The following STXBP5L variants were observed in gnomAD, a reference collection of about 807,000 sequenced individuals.
The protein encoded by STXBP5L is syntaxin-binding protein 5-like.
In STXBP5L, 65 loss-of-function variants were observed where a neutral mutation model predicts 144.5. The ratio of observed to expected loss-of-function variants is 0.45; its 90% confidence interval spans 0.37 to 0.55. The LOEUF (loss-of-function observed/expected upper bound fraction) is 0.55, where lower values mean the gene tolerates loss of function less well. Ranked by LOEUF, STXBP5L falls within the 20% of genes least tolerant of loss-of-function variation. STXBP5L has a pLI of 0.00. For synonymous variants in STXBP5L, 505 were observed against 469.6 expected (o/e 1.08, Z -0.97); for missense variants, 1,298 against 1,405.5 (o/e 0.92, Z 1.22).
chr3:121,309,437 A>T (rs1168694816), intron 19 of STXBP5L, among the ~76,000 whole-genome samples: 1 of 152,182 alleles, frequency 6.6e-6, no homozygotes, highest in African/African-American at 2.4e-5. Flanking sequence ...AGTGTCAATC[A>T]AGATGAGACA....
intron 5 of STXBP5L, among the ~76,000 whole-genome samples, chr3:121,077,610 G>T (rs1480958883): frequency 2.6e-5 from 4 of 152,270 alleles, no homozygotes. Flanking sequence ...GGCTTGGGCA[G>T]CCTGCTTTTA....
chr3:121,295,031 G>C (rs920976561), intron 19 of STXBP5L, among the ~76,000 whole-genome samples: 1 of 152,174 alleles, frequency 6.6e-6, no homozygotes, highest in African/African-American at 2.4e-5. Context: ...AAGATATTTG[G>C]TTATGAAGGG....
chr3:120,946,697 C>T (rs999514620), intron 2 of STXBP5L, among the ~76,000 whole-genome samples: 1 of 151,718 alleles, frequency 6.6e-6, no homozygotes, highest in Non-Finnish European at 1.5e-5. Context: ...TGCCAAAGTA[C>T]TGCTGTTAGT....
At position 121,376,907 on chromosome 3, in the gene STXBP5L, G is replaced by A. The variant is rs189878457; in HGVS notation, c.2177-1809G>A. 4.2e-3 allele frequency among the ~76,000 whole-genome samples: 644 copies of A among 152,236 alleles called. 2 individuals carry two copies. Among genetic ancestry groups the A allele is most frequent in the Non-Finnish European group, 7.8e-3 (530 of 68,006 alleles). ...TTTGTGTCCTCTTTTATTTCTTTGAGCAGTAGTTTGTAGTTCTCATTGAAG... is the reference window on the plus strand; with the variant it reads ...TTTGTGTCCTCTTTTATTTCTTTGAACAGTAGTTTGTAGTTCTCATTGAAG... On this transcript the variant is annotated intron_variant, in intron 20 of 26. Coordinates refer to ENST00000471454, the MANE Select transcript of STXBP5L (RefSeq NM_001308330.2).
intron 5 of STXBP5L, among the ~76,000 whole-genome samples, chr3:121,063,263 G>A (rs2041372796): frequency 1.3e-5 from 2 of 152,094 alleles, no homozygotes; most frequent in Admixed American, 6.6e-5. Context: ...TAACAGTCAG[G>A]CCATCTGCTG....
At chr3:121,275,497 G>A (rs2050853326) in intron 18 of STXBP5L, among the ~76,000 whole-genome samples, 1 of 152,032 alleles carries the variant, frequency 6.6e-6, no homozygotes, top group African/African-American at 2.4e-5. Context: ...TAATTGCAAT[G>A]CCACTATGAA....
intron 22 of STXBP5L, among the ~76,000 whole-genome samples, chr3:121,396,141 C>A (rs150760183): frequency 0.036 from 5,434 of 152,340 alleles, 145 homozygotes; most frequent in Middle Eastern, 0.082. Flanking sequence ...TGCTGTTCAG[C>A]TGCTGATAAC....
intron 9 of STXBP5L, among the ~76,000 whole-genome samples, chr3:121,180,340 G>T (rs961940644): frequency 1.3e-5 from 2 of 152,152 alleles, no homozygotes; most frequent in Admixed American, 1.3e-4. Flanking sequence ...GCAAAACTAA[G>T]CTTCATTAAT....
At chr3:120,999,116 G>A (rs1273879677) in intron 3 of STXBP5L, among the ~76,000 whole-genome samples, 1 of 152,108 alleles carries the variant, frequency 6.6e-6, no homozygotes, top group Non-Finnish European at 1.5e-5. Context: ...GCAGTGGCAT[G>A]ATTTTGGCTC....
At chr3:121,090,918 TCCCTCCC>T (rs1483361050) in intron 5 of STXBP5L, among the ~76,000 whole-genome samples, 1 of 107,222 alleles carries the variant, frequency 9.3e-6, no homozygotes, top group African/African-American at 3.8e-5. Context: ...CCCAGTGCTA[TCCCTCCC>T]CCCTCCCCCC....
chr3:121,245,369 A>G (rs1048910281), intron 14 of STXBP5L, among the ~76,000 whole-genome samples: 1 of 151,476 alleles, frequency 6.6e-6, no homozygotes, highest in Non-Finnish European at 1.5e-5. Context: ...ACAAAACCCA[A>G]AGGAAGCCAG....
intron 20 of STXBP5L, among the ~76,000 whole-genome samples, chr3:121,374,021 A>C (rs1041522321): frequency 1.3e-5 from 2 of 152,148 alleles, no homozygotes; most frequent in Non-Finnish European, 2.9e-5. Context: ...TGACACCTGC[A>C]TGTGCCCCCC....
chr3:121,023,011 A>T (rs1008865537), intron 3 of STXBP5L, among the ~76,000 whole-genome samples: 1 of 152,024 alleles, frequency 6.6e-6, no homozygotes, highest in African/African-American at 2.4e-5. Flanking sequence ...CTAAAGACTC[A>T]TCTAAAAAGC....
At chr3:121,308,129 C>T (rs1461864234) in intron 19 of STXBP5L, among the ~76,000 whole-genome samples, 1 of 152,104 alleles carries the variant, frequency 6.6e-6, no homozygotes, top group Non-Finnish European at 1.5e-5. Context: ...GGGAGAGCAT[C>T]AGGATAAATA....
chr3:121,129,352 G>A (rs145455653), intron 7 of STXBP5L, among the ~76,000 whole-genome samples: 83 of 151,610 alleles, frequency 5.5e-4, no homozygotes, highest in African/African-American at 1.9e-3. Flanking sequence ...GAGATTATTA[G>A]CACAATTAGA....
chr3:121,399,350 C>G (rs1265807331), intron 22 of STXBP5L, among the ~76,000 whole-genome samples: 1 of 152,108 alleles, frequency 6.6e-6, no homozygotes, highest in Non-Finnish European at 1.5e-5. Context: ...GATTCAAGCC[C>G]CCATGATGGA....
At chr3:121,226,633 A>C (rs1426398053) in intron 11 of STXBP5L, among the ~76,000 whole-genome samples, 1 of 152,190 alleles carries the variant, frequency 6.6e-6, no homozygotes, top group African/African-American at 2.4e-5. Context: ...AGGGGACTCC[A>C]TCAGGATTTA....
At chr3:120,981,502 G>T (rs991540452) in intron 3 of STXBP5L, among the ~76,000 whole-genome samples, 4 of 151,862 alleles carry the variant, frequency 2.6e-5, no homozygotes, top group African/African-American at 4.8e-5. Context: ...CTATATTGTG[G>T]TTCCTTTAAT....
intron 3 of STXBP5L, among the ~76,000 whole-genome samples, chr3:120,964,063 G>A (rs1939235360): frequency 6.6e-6 from 1 of 152,166 alleles, no homozygotes; most frequent in Non-Finnish European, 1.5e-5. Context: ...TTTGCATAGA[G>A]TTGTTTACAG....
Sources: gnomAD v4.1 joint callset for allele counts (sites outside exome capture counted in the v4.1 genomes callset) on GRCh38, gnomAD v4.1.1 for gene constraint, MANE v1.5 for transcripts, NCBI Gene and HGNC (gene_info 2026-07-23, HGNC 2026-07-21) for gene names.